CHEK2: variants seen among roughly 807,000 people sequenced by gnomAD.
CHEK2 encodes the protein checkpoint kinase 2.
A neutral mutation model predicts 69.1 loss-of-function variants in CHEK2; 71 were observed. That is an observed-to-expected ratio of 1.03 (90% CI 0.85 to 1.25). The LOEUF is 1.25. Ranked by LOEUF, CHEK2 falls within the 50% of genes most tolerant of loss-of-function variation. The probability of loss-of-function intolerance (pLI) is 0.00; values close to 1 mark genes in which losing one functional copy is unlikely to be tolerated. For synonymous variants in CHEK2, 189 were observed against 226.9 expected (o/e 0.83, Z 1.50); for missense variants, 664 against 649.6 (o/e 1.02, Z -0.24).
intron 10 of CHEK2, 134 bp downstream of exon 10, chr22:28,696,767 T>C (rs2052600577): frequency 8.7e-6 from 6 of 687,460 alleles, no homozygotes; most frequent in Non-Finnish European, 2.6e-6. Context: ...TATCACCTGA[T>C]CTCTAAAATA....
intron 5 of CHEK2, among the ~76,000 whole-genome samples, chr22:28,713,436 C>A (rs561654437): frequency 3.3e-4 from 49 of 148,556 alleles, no homozygotes; most frequent in Non-Finnish European, 2.4e-4. Flanking sequence ...CTCGGCTCAC[C>A]GCAAGCTCCG....
At position 28,705,134 on chromosome 22, in the gene CHEK2, G is replaced by A. The variant is rs536791054; in HGVS notation, c.847-1568C>T. 4.7e-4 allele frequency among the ~76,000 whole-genome samples: 70 copies of A among 149,592 alleles called. No individual in the cohort carries two copies. In the South Asian group the frequency reaches 5.3e-3, roughly 11 times the overall value. On this transcript the variant is annotated intron_variant, in intron 7 of 14. Coordinates refer to ENST00000404276, the MANE Select transcript of CHEK2 (RefSeq NM_007194.4). ...TGCGCTGTCACCCAGGCTGGAGTGC[G>A]GTGGCGAGATCTCGGCTCACTGCAA...
chr22:28,740,059 G>A (rs1038383491), intron 1 of CHEK2, among the ~76,000 whole-genome samples: 24 of 151,996 alleles, frequency 1.6e-4, no homozygotes, highest in African/African-American at 4.8e-4. Flanking sequence ...AACTTAGCTG[G>A]GCATGGTGGC....
At chr22:28,723,361 G>A (rs568249741) in intron 4 of CHEK2, among the ~76,000 whole-genome samples, 5 of 152,272 alleles carry the variant, frequency 3.3e-5, no homozygotes, top group African/African-American at 9.6e-5. Flanking sequence ...CACTTTGGGA[G>A]GCCGAGGCGG....
chr22:28,713,505 C>T (rs1440613061), intron 5 of CHEK2, among the ~76,000 whole-genome samples: 2 of 151,384 alleles, frequency 1.3e-5, no homozygotes, highest in Non-Finnish European at 2.9e-5. Flanking sequence ...TACAGGTACC[C>T]GCCACCACGC....
At chr22:28,699,691 AG>A in intron 9 of CHEK2, 146 bp downstream of exon 9, 1 of 707,632 alleles carries the variant, frequency 1.4e-6, no homozygotes, top group Admixed American at 2.1e-5. Context: ...CAGTGAAAGG[AG>A]TAGGACATTT....
chr22:28,730,357 G>GAAAA lies in CHEK2; in HGVS notation c.319+4045_319+4046insTTTT, dbSNP rs2054173784. On this transcript the variant is annotated intron_variant, in intron 2 of 14. Coordinates refer to ENST00000404276, the MANE Select transcript of CHEK2 (RefSeq NM_007194.4). ...GGAAAGGAAAAAAGAAAGGGGAAAG[G>GAAAA]GGAAAGGAAAAGGAAAAGGGAAAGA... The GAAAA allele has an allele frequency of 6.0e-6, 3 of 500,432 alleles. No homozygotes were observed. In the African/African-American group the frequency reaches 6.0e-5, roughly 10 times the overall value. The allele number at this position is 500,432 out of a possible 1,614,324, so 31.0% of individuals were successfully genotyped here. A position where few individuals can be genotyped will look rare whatever the true frequency, so the allele number is the denominator to read the frequency against.
At chr22:28,726,212 A>G (rs1042953742) in intron 2 of CHEK2, 2 of 151,638 alleles carry the variant, frequency 1.3e-5, no homozygotes, top group African/African-American at 4.9e-5. Context: ...GAAAAAAAAC[A>G]AAAAACAATT....
chr22:28,731,185 AGAGT>A (rs1324858233), intron 2 of CHEK2, among the ~76,000 whole-genome samples: 3 of 152,308 alleles, frequency 2.0e-5, no homozygotes, highest in Non-Finnish European at 4.4e-5. Flanking sequence ...CCTGGATGAC[AGAGT>A]GAGATCCTGT....
chr22:28,727,068 G>A (rs375758705), intron 2 of CHEK2, among the ~76,000 whole-genome samples: 4 of 152,054 alleles, frequency 2.6e-5, no homozygotes, highest in African/African-American at 9.7e-5. Context: ...TTGAGATGGA[G>A]TCTCGCTCTG....
intron 4 of CHEK2, among the ~76,000 whole-genome samples, chr22:28,720,116 A>C (rs1461096104): frequency 7.5e-6 from 1 of 133,080 alleles, no homozygotes; most frequent in Non-Finnish European, 1.6e-5. Context: ...TTTTTGAGAG[A>C]GTTTCACTCT....
chr22:28,715,306 G>C (rs527633379), intron 5 of CHEK2, among the ~76,000 whole-genome samples: 1 of 152,226 alleles, frequency 6.6e-6, no homozygotes, highest in East Asian at 1.9e-4. Context: ...CAGTCAACCA[G>C]ACCATCAGAA....
rs2146146205 is a variant in CHEK2 at position 28,734,478 on chromosome 22, C to T, written c.244G>A (p.Asp82Asn). ...YSIPEDQEPE[D>N]QEPEEPTPAP... ...GGGGTAGGCTCCTCAGGTTCTTGGTCCTCAGGTTCTTGGTCCTCAGGAATA... is the reference window on the plus strand; with the variant it reads ...GGGGTAGGCTCCTCAGGTTCTTGGTTCTCAGGTTCTTGGTCCTCAGGAATA... The change falls in exon 2 of 15, where the codon GAC becomes AAC. Residue 82 changes from aspartate to asparagine, a missense_variant. By Grantham distance (23) the Asp-to-Asn change is conservative. Transcript: ENST00000404276. 1 of 1,614,066 alleles carries T rather than the reference C, an allele frequency of 6.2e-7. No homozygotes were observed. The highest frequency in any genetic ancestry group is 1.1e-5 in the South Asian group (1 of 91,064).
At chr22:28,709,626 T>G (rs1234005763) in intron 7 of CHEK2, among the ~76,000 whole-genome samples, 1 of 150,988 alleles carries the variant, frequency 6.6e-6, no homozygotes, top group Non-Finnish European at 1.5e-5. Flanking sequence ...ATTTTTCTTG[T>G]TTTTTTTTCT....
At chr22:28,718,554 CA>C (rs2053660565) in intron 5 of CHEK2, among the ~76,000 whole-genome samples, 2 of 152,150 alleles carry the variant, frequency 1.3e-5, no homozygotes, top group South Asian at 4.2e-4. Context: ...AATGAACGGA[CA>C]AAGTAAATGT....
intron 2 of CHEK2, among the ~76,000 whole-genome samples, chr22:28,729,540 C>CAAA (rs58149342): frequency 7.2e-4 from 60 of 83,072 alleles, no homozygotes; most frequent in Admixed American, 1.1e-3. Context: ...GACTCCATCT[C>CAAA]AAAAAAAAAA....
At chr22:28,704,749 A>C (rs1288381649) in intron 7 of CHEK2, among the ~76,000 whole-genome samples, 1 of 152,206 alleles carries the variant, frequency 6.6e-6, no homozygotes, top group African/African-American at 2.4e-5. Flanking sequence ...GGAGGACTGT[A>C]GTTATATCAG....
intron 14 of CHEK2, 83 bp downstream of exon 14, chr22:28,689,052 A>C: frequency 1.1e-6 from 1 of 895,278 alleles, no homozygotes; most frequent in East Asian, 2.5e-5. Context: ...ATTGCTACTC[A>C]GGAAAATCTT....
intron 1 of CHEK2, among the ~76,000 whole-genome samples, chr22:28,738,960 CAAAT>C (rs1378209438): frequency 6.6e-6 from 1 of 152,160 alleles, no homozygotes; most frequent in East Asian, 1.9e-4. Flanking sequence ...TGCAGAAAGA[CAAAT>C]AATCCAATTT....
Sources: allele counts gnomAD v4.1 joint callset (sites outside exome capture counted in the v4.1 genomes callset), GRCh38; gene constraint gnomAD v4.1.1; transcripts MANE v1.5; gene names NCBI Gene and HGNC (gene_info 2026-07-23, HGNC 2026-07-21).